Variants in PPP2R2D observed in about 807,000 individuals in gnomAD.
PPP2R2D encodes serine/threonine-protein phosphatase 2A 55 kDa regulatory subunit B delta isoform.
PPP2R2D carries 9 observed loss-of-function variants against 31.1 expected under a neutral mutation model. The ratio of observed to expected loss-of-function variants is 0.29; its 90% CI spans 0.17 to 0.51. The LOEUF (loss-of-function observed/expected upper bound fraction) is 0.51. PPP2R2D is among the 20% of genes least tolerant of loss of function. PPP2R2D has a pLI of 0.98. For synonymous variants in PPP2R2D, 179 were observed against 172.6 expected (o/e 1.04, Z -0.29); for missense variants, 391 against 465.6 (o/e 0.84, Z 1.48).
chr10:131,929,047 G>A (rs955864337), intron 2 of PPP2R2D, among the ~76,000 whole-genome samples: 6 of 152,228 alleles, frequency 3.9e-5, no homozygotes, highest in Non-Finnish European at 8.8e-5. Flanking sequence ...GTCTGCCTTC[G>A]TTGTGTTTCT....
At chr10:131,937,061 G>C (rs1326516191) in intron 3 of PPP2R2D, among the ~76,000 whole-genome samples, 2 of 152,232 alleles carry the variant, frequency 1.3e-5, no homozygotes, top group Non-Finnish European at 2.9e-5. Context: ...GCTGCAGCAA[G>C]GTTCACAGGC....
intron 3 of PPP2R2D, among the ~76,000 whole-genome samples, chr10:131,938,596 G>A (rs1230862743): frequency 6.6e-6 from 1 of 152,154 alleles, no homozygotes; most frequent in African/African-American, 2.4e-5. Flanking sequence ...TCATGATTTT[G>A]AAGATGGCAT....
chr10:131,915,239 G>A (rs529203042), intron 2 of PPP2R2D, among the ~76,000 whole-genome samples: 4 of 151,950 alleles, frequency 2.6e-5, no homozygotes, highest in Admixed American at 2.6e-4. Context: ...GATTGAAAAG[G>A]GGGGATTCGT....
intron 2 of PPP2R2D, among the ~76,000 whole-genome samples, chr10:131,914,715 G>T (rs1357896452): frequency 6.6e-6 from 1 of 152,202 alleles, no homozygotes; most frequent in Non-Finnish European, 1.5e-5. Flanking sequence ...GAAGAACGGT[G>T]ACCCCAGGCG....
chr10:131,926,066 C>T (rs142861962), intron 2 of PPP2R2D, among the ~76,000 whole-genome samples: 212 of 152,274 alleles, frequency 1.4e-3, no homozygotes, highest in African/African-American at 4.5e-3. Context: ...ATGACCTGGG[C>T]GGGGCAGAGA....
intron 2 of PPP2R2D, among the ~76,000 whole-genome samples, chr10:131,930,174 A>G (rs2036193901): frequency 1.3e-5 from 2 of 152,170 alleles, no homozygotes; most frequent in African/African-American, 4.8e-5. Flanking sequence ...TCCTAGGTCT[A>G]ATGATTGCCT....
chr10:131,938,026 G>C (rs567463558), intron 3 of PPP2R2D, among the ~76,000 whole-genome samples: 3 of 151,820 alleles, frequency 2.0e-5, no homozygotes, highest in South Asian at 2.1e-4. Flanking sequence ...GAGGCACTCA[G>C]CTCCTGCCCG....
rs923994088 is a variant in PPP2R2D at position 131,913,991 on chromosome 10, A to G, written c.100+12661A>G. Among the ~76,000 whole-genome samples, 38 of 152,318 alleles carry G rather than the reference A, an allele frequency of 2.5e-4. No homozygotes were observed. The South Asian group carries it at 7.5e-3, about 30-fold the overall frequency. ...TTTTTCTGTATCGTGCACAACACCT[A>G]CCACTGCACCGGCACACAGGAAGGG... On this transcript the variant is annotated intron_variant, in intron 2 of 8. Transcript: ENST00000455566.
Position 131,956,696 on chromosome 10 carries a change from C to A in PPP2R2D, c.*733C>A. Reference sequence around the variant, plus strand: ...AGCATTTCTGTCCCCAAGCTGCTGCCCGCTGTGTTTCTGTAGAAGTAGCCC... The same window carrying A: ...AGCATTTCTGTCCCCAAGCTGCTGCACGCTGTGTTTCTGTAGAAGTAGCCC... On this transcript the variant is annotated 3_prime_UTR_variant, in exon 9 of 9. Transcript: ENST00000455566. 1 of 458,170 alleles carries A rather than the reference C, an allele frequency of 2.2e-6. No individual in the cohort carries two copies. Among genetic ancestry groups the A allele is most frequent in the Non-Finnish European group, 2.9e-6 (1 of 347,928 alleles). The allele number at this position is 458,170 out of a possible 1,614,324, so 28.4% of individuals were successfully genotyped here.
At position 131,957,567 on chromosome 10, in the gene PPP2R2D, G is replaced by T. The variant is rs117262064; in HGVS notation, c.*1604G>T. On this transcript the variant is annotated 3_prime_UTR_variant, in exon 9 of 9. Transcript: ENST00000455566. ...CCCGTGCCCCTGTGGAGATGAAGGT[G>T]CGTGCTGATCCCCCATCTCCCTGTG... 0.015 allele frequency: 2,683 copies of T among 176,778 alleles called. 39 individuals are homozygous for T. Among genetic ancestry groups the T allele is most frequent in the Non-Finnish European group, 0.025 (2,078 of 84,218 alleles). The allele number at this position is 176,778 out of a possible 1,614,324, so 11.0% of individuals were successfully genotyped here. A position where few individuals can be genotyped will look rare whatever the true frequency, so the allele number is the denominator to read the frequency against.
chr10:131,940,824 A>G, intron 5 of PPP2R2D, 130 bp downstream of exon 5: 1 of 583,400 alleles, frequency 1.7e-6, no homozygotes, highest in South Asian at 2.3e-5. Flanking sequence ...GTGATTCCTG[A>G]AAGTCGTTTG....
intron 3 of PPP2R2D, among the ~76,000 whole-genome samples, chr10:131,937,991 C>T (rs2036373968): frequency 6.6e-6 from 1 of 151,898 alleles, no homozygotes; most frequent in Non-Finnish European, 1.5e-5. Context: ...GCCTGTCAGA[C>T]TCAGTGCGGC....
intron 2 of PPP2R2D, among the ~76,000 whole-genome samples, chr10:131,907,554 C>T (rs2119719245): frequency 6.6e-6 from 1 of 152,150 alleles, no homozygotes; most frequent in Middle Eastern, 3.4e-3. Flanking sequence ...TCCTGGCTAA[C>T]AGGGTGAAAC....
At chr10:131,907,121 G>C (rs2035602430) in intron 2 of PPP2R2D, among the ~76,000 whole-genome samples, 1 of 151,954 alleles carries the variant, frequency 6.6e-6, no homozygotes, top group African/African-American at 2.4e-5. Flanking sequence ...CGGTGTTGGT[G>C]AATGCAAAAC....
At chr10:131,938,142 G>T (rs1254284271) in intron 3 of PPP2R2D, among the ~76,000 whole-genome samples, 1 of 152,230 alleles carries the variant, frequency 6.6e-6, no homozygotes, top group Non-Finnish European at 1.5e-5. Context: ...TGGAAGGAAT[G>T]CCCTGCACAT....
the PPP2R2D span, chr10:131,970,997 G>T: frequency 6.2e-7 from 1 of 1,601,270 alleles, no homozygotes. This position sits in a 1 kb window ranked among gnomAD's most constrained non-coding sequence, Gnocchi z 4.1. Context: ...GTTAAAGGCA[G>T]ATCAGTGTAC....
intron 5 of PPP2R2D, among the ~76,000 whole-genome samples, chr10:131,941,464 C>T (rs2036440104): frequency 6.6e-6 from 1 of 152,018 alleles, no homozygotes; most frequent in African/African-American, 2.4e-5. Flanking sequence ...GGTGTGTCCC[C>T]TGGAAGGAAA....
chr10:131,903,171 T>TA (rs2035528807), intron 2 of PPP2R2D, among the ~76,000 whole-genome samples: 7 of 152,170 alleles, frequency 4.6e-5, no homozygotes, highest in Admixed American at 6.5e-5. Flanking sequence ...ATTCTTTCTT[T>TA]AAAAAAAATC....
At chr10:131,961,792 C>T (rs2036923457), downstream of PPP2R2D, among the ~76,000 whole-genome samples, 1 of 152,014 alleles carries the variant, frequency 6.6e-6, no homozygotes, top group South Asian at 2.1e-4. Context: ...GTGGTGGTGT[C>T]ATACCCAGGA....
Sources: gnomAD v4.1 joint callset for allele counts (sites outside exome capture counted in the v4.1 genomes callset) on GRCh38, gnomAD v4.1.1 for gene constraint, Gnocchi (gnomAD v3.1) non-coding constraint, MANE v1.5 for transcripts, NCBI Gene and HGNC (gene_info 2026-07-23, HGNC 2026-07-21) for gene names.